ARHGAP8: variants seen among roughly 807,000 people sequenced by gnomAD.
ARHGAP8 encodes Rho GTPase activating protein 8.
ARHGAP8 carries 62 observed loss-of-function variants against 46.1 expected under a neutral mutation model. The observed-to-expected ratio is 1.34, with a 90% confidence interval of 1.10 to 1.66. The LOEUF (loss-of-function observed/expected upper bound fraction) is 1.66. Ranked by LOEUF, ARHGAP8 falls within the 40% of genes most tolerant of loss-of-function variation. ARHGAP8 has a pLI of 0.00. For synonymous variants in ARHGAP8, 375 were observed against 243.1 expected, an observed-to-expected ratio of 1.54 and a Z score of -5.05; for missense variants, 923 against 568.4, an observed-to-expected ratio of 1.62 and a Z score of -6.34.
rs1040335424 is a variant in ARHGAP8, at chr22:44,862,735, T to A, written c.*140T>A. 2 of 1,009,058 alleles carry A rather than the reference T, an allele frequency of 2.0e-6. No individual in the cohort carries two copies. The highest frequency in any genetic ancestry group is 2.6e-5 in the East Asian group (1 of 37,780). The allele number at this position is 1,009,058 out of a possible 1,614,324, so 62.5% of individuals were successfully genotyped here. ...TCTAATGAAAACTCCATGCCTCTGG[T>A]CCTTGGACTCTTGTCCATGGTTCCT... On this transcript the variant is annotated 3_prime_UTR_variant, in exon 12 of 12. Coordinates refer to ENST00000356099, the MANE Select transcript of ARHGAP8 (RefSeq NM_181335.3).
At chr22:44,838,179 C>G (rs1931415875) in intron 7 of ARHGAP8, among the ~76,000 whole-genome samples, 1 of 150,866 alleles carries the variant, frequency 6.6e-6, no homozygotes, top group Admixed American at 6.6e-5. Flanking sequence ...GCTCTGTTGC[C>G]CAGGCTGGAA....
intron 10 of ARHGAP8, among the ~76,000 whole-genome samples, chr22:44,859,037 T>G (rs1296135524): frequency 6.6e-6 from 1 of 151,750 alleles, no homozygotes; most frequent in African/African-American, 2.4e-5. Context: ...AAACAGGCAG[T>G]GGGCCAGATC....
At chr22:44,778,005 T>C (rs1602161184) in intron 1 of ARHGAP8, among the ~76,000 whole-genome samples, 1 of 136,260 alleles carries the variant, frequency 7.3e-6, no homozygotes, top group East Asian at 2.1e-4. Flanking sequence ...CTATTTTATT[T>C]ATTTATTTAT....
In ARHGAP8 at chr22:44,860,565, C is replaced by T. The variant is rs141559418; in HGVS notation, c.981+731C>T. 2.3e-3 allele frequency among the ~76,000 whole-genome samples: 345 copies of T among 151,574 alleles called. 3 individuals carry two copies. The highest frequency in any genetic ancestry group is 7.9e-3 in the African/African-American group (327 of 41,258). On this transcript the variant is annotated intron_variant, in intron 11 of 11. Transcript: ENST00000356099. The stretch of plus-strand genomic sequence containing the variant: ...TTGAGATCCTCAACGACAGCTGCAA[C>T]GGCCCTCGTTCCAAATAAGGTCACA...
chr22:44,823,280 C>G (rs772666942), intron 6 of ARHGAP8, among the ~76,000 whole-genome samples: 1 of 152,068 alleles, frequency 6.6e-6, no homozygotes, highest in African/African-American at 2.4e-5. Flanking sequence ...GGCACAGAAC[C>G]CAGCTGGGGA....
intron 11 of ARHGAP8, 50 bp from the exon 12 acceptor site, chr22:44,862,225 C>A (rs369154590): frequency 3.3e-6 from 5 of 1,534,096 alleles, no homozygotes; most frequent in Non-Finnish European, 4.4e-6. Flanking sequence ...TTCCAGGTGC[C>A]CGTGCCCCTT....
At chr22:44,754,432 T>C (rs1479867981) in intron 1 of ARHGAP8, among the ~76,000 whole-genome samples, 1 of 151,556 alleles carries the variant, frequency 6.6e-6, no homozygotes, top group Non-Finnish European at 1.5e-5. Context: ...CTCAGCTCAC[T>C]GCAACCTCTG....
chr22:44,795,370 T>A lies in ARHGAP8; in HGVS notation c.80-6707T>A, dbSNP rs147674565. 1.9e-3 allele frequency among the ~76,000 whole-genome samples: 283 copies of A among 152,210 alleles called. 1 individual carries two copies. Among genetic ancestry groups the A allele is most frequent in the Middle Eastern group, 0.01 (3 of 294 alleles). On this transcript the variant is annotated intron_variant, in intron 2 of 11. Coordinates refer to ENST00000356099, the MANE Select transcript of ARHGAP8 (RefSeq NM_181335.3). Reference sequence around the variant, plus strand: ...CAGATGGCAGGGTGGAGGGGGCCCATGGCGTGGTTGGGTACCTCGGGCCCT... The same window carrying A: ...CAGATGGCAGGGTGGAGGGGGCCCAAGGCGTGGTTGGGTACCTCGGGCCCT...
At chr22:44,812,636 T>C (rs149006743) in intron 4 of ARHGAP8, among the ~76,000 whole-genome samples, 3,576 of 152,160 alleles carry the variant, frequency 0.024, 136 homozygotes, top group African/African-American at 0.082. Context: ...ATTACAGGTG[T>C]GAGCCACCGC....
intron 1 of ARHGAP8, among the ~76,000 whole-genome samples, chr22:44,772,684 C>T (rs559457157): frequency 5.9e-5 from 9 of 151,998 alleles, no homozygotes; most frequent in Non-Finnish European, 1.3e-4. Flanking sequence ...ATGCTGGCCC[C>T]ATAAAATAAG....
chr22:44,825,626 C>T lies in ARHGAP8; in HGVS notation c.596+33C>T, dbSNP rs770998223. On this transcript the variant is annotated intron_variant, in intron 7 of 11. Coordinates refer to ENST00000356099, the MANE Select transcript of ARHGAP8 (RefSeq NM_181335.3). ...AGCCGGGGATGTGCCTGCTCCTATG[C>T]CCTGGAGCCCTGGGAGCTGTGGGGC... The T allele has an allele frequency of 1.6e-5, 25 of 1,588,454 alleles. No individual in the cohort carries two copies. In the Admixed American group the frequency reaches 4.5e-4, roughly 28 times the overall value.
At position 44,859,654 on chromosome 22, in the gene ARHGAP8, T is replaced by C. The variant is rs530488799; in HGVS notation, c.878-77T>C. 1,354 of 1,071,592 alleles carry C rather than the reference T, an allele frequency of 1.3e-3. 5 individuals carry two copies. The highest frequency in any genetic ancestry group is 1.8e-3 in the South Asian group (103 of 55,934). The allele number at this position is 1,071,592 out of a possible 1,614,324, so 66.4% of individuals were successfully genotyped here. ...CTCAGAGCTGTCCTTCCTACACCCC[T>C]GTTCTCCTCCCGGGCCGGGATGCAG... On this transcript the variant is annotated intron_variant, in intron 10 of 11. Coordinates refer to ENST00000356099, the MANE Select transcript of ARHGAP8 (RefSeq NM_181335.3).
chr22:44,791,946 G>A (rs1169570855), intron 2 of ARHGAP8, among the ~76,000 whole-genome samples: 2 of 152,002 alleles, frequency 1.3e-5, no homozygotes, highest in African/African-American at 2.4e-5. Context: ...CAGGTGCATT[G>A]GATACAGAGA....
chr22:44,859,782 T>G lies in ARHGAP8; in HGVS notation c.929T>G (p.Leu310Arg), dbSNP rs141400807. ...VTGCRQILRSLPEHNYVVLRY... is the reference protein window; with the variant it reads ...VTGCRQILRSRPEHNYVVLRY... The stretch of plus-strand genomic sequence containing the variant: ...GGCTGCCGCCAGATCTTACGGAGCC[T>G]CCCAGAGCACAACTACGTCGTCCTC... The change falls in exon 11 of 12, where the codon CTC (leucine) becomes CGC (arginine). Residue 310 changes from leucine (L) to arginine (R), a missense_variant. Leu to Arg is a moderately radical substitution (Grantham distance 102, BLOSUM62 -2). Coordinates refer to ENST00000356099, the MANE Select transcript of ARHGAP8 (RefSeq NM_181335.3). 61 of 1,613,968 alleles carry G rather than the reference T, an allele frequency of 3.8e-5. No homozygotes were observed. Among genetic ancestry groups the G allele is most frequent in the Non-Finnish European group, 5.2e-5 (61 of 1,180,030 alleles).
chr22:44,773,602 G>C (rs577292357), intron 1 of ARHGAP8, among the ~76,000 whole-genome samples: 7 of 152,098 alleles, frequency 4.6e-5, no homozygotes, highest in Admixed American at 3.3e-4. Context: ...TTTTTCTTGA[G>C]ACAGGGTTTC....
At chr22:44,762,324 T>C (rs1925188834) in intron 1 of ARHGAP8, among the ~76,000 whole-genome samples, 3 of 152,018 alleles carry the variant, frequency 2.0e-5, no homozygotes, top group South Asian at 2.1e-4. Flanking sequence ...TAGTCTCAGC[T>C]ACTCGGGAGG....
At chr22:44,838,281 G>A (rs5765045) in intron 7 of ARHGAP8, among the ~76,000 whole-genome samples, 25,024 of 151,874 alleles carry the variant, frequency 0.16, 2,197 homozygotes, top group East Asian at 0.31. Flanking sequence ...GGGATTACAG[G>A]CACGTGCCAC....
chr22:44,827,381 C>A (rs1293032897), intron 7 of ARHGAP8, among the ~76,000 whole-genome samples: 1 of 109,514 alleles, frequency 9.1e-6, no homozygotes, highest in Non-Finnish European at 1.7e-5. Context: ...CTCGCTCTGT[C>A]CCCCAGGCTG....
chr22:44,820,598 C>G (rs1247371196), intron 5 of ARHGAP8, among the ~76,000 whole-genome samples: 2 of 152,120 alleles, frequency 1.3e-5, no homozygotes, highest in African/African-American at 4.8e-5. Context: ...GGCTGGGGTG[C>G]AGGCACTAAG....
Sources: allele counts gnomAD v4.1 joint callset (sites outside exome capture counted in the v4.1 genomes callset), GRCh38; gene constraint gnomAD v4.1.1; transcripts MANE v1.5; gene names NCBI Gene and HGNC (gene_info 2026-07-23, HGNC 2026-07-21).